The following PTPRO variants were observed in gnomAD, a reference collection of about 807,000 sequenced individuals.
PTPRO encodes protein tyrosine phosphatase receptor type O.
Under a neutral mutation model 145.2 loss-of-function variants are expected in PTPRO, and 62 were observed. The observed-to-expected ratio is 0.43, with a 90% CI of 0.35 to 0.53. The LOEUF is 0.53. Among genes scored for constraint, PTPRO ranks in the 20% least tolerant of loss-of-function variants. The probability of loss-of-function intolerance (pLI) is 0.01; values close to 1 mark genes in which losing one functional copy is unlikely to be tolerated. For synonymous variants in PTPRO, 565 were observed against 514.7 expected, an observed-to-expected ratio of 1.10 and a Z score of -1.32; for missense variants, 1,345 against 1,482.7, an observed-to-expected ratio of 0.91 and a Z score of 1.53.
At chr12:15,498,499 A>C (rs1942153455) in intron 3 of PTPRO, among the ~76,000 whole-genome samples, 1 of 152,208 alleles carries the variant, frequency 6.6e-6, no homozygotes, top group African/African-American at 2.4e-5. Context: ...CAGAGGTTGC[A>C]GTGAGCCTAA....
chr12:15,591,489 C>T (rs752097465), intron 25 of PTPRO, among the ~76,000 whole-genome samples: 26 of 152,254 alleles, frequency 1.7e-4, no homozygotes, highest in Non-Finnish European at 3.1e-4. Context: ...TTTTTAGGGT[C>T]ATTATCTTTC....
At chr12:15,476,231 G>A (rs1941650629) in intron 1 of PTPRO, among the ~76,000 whole-genome samples, 1 of 152,120 alleles carries the variant, frequency 6.6e-6, no homozygotes, top group Non-Finnish European at 1.5e-5. Flanking sequence ...GGAAGATGAT[G>A]AGGCAGGAGA....
intron 1 of PTPRO, among the ~76,000 whole-genome samples, chr12:15,378,038 A>G (rs978130370): frequency 7.9e-5 from 12 of 152,106 alleles, no homozygotes; most frequent in African/African-American, 2.9e-4. Context: ...CTATTATTAC[A>G]AAACAAAGAT....
chr12:15,557,074 T>C (rs1386007116), intron 15 of PTPRO, among the ~76,000 whole-genome samples: 6 of 151,180 alleles, frequency 4.0e-5, no homozygotes, highest in Non-Finnish European at 8.8e-5. Flanking sequence ...AGAGTCTTGC[T>C]CTGTCACCCA....
intron 1 of PTPRO, among the ~76,000 whole-genome samples, chr12:15,419,249 T>C (rs915943220): frequency 7.7e-6 from 1 of 129,690 alleles, no homozygotes. Context: ...CCAGTAACGA[T>C]AGGAGCATTT....
chr12:15,358,017 A>G (rs1938051734), intron 1 of PTPRO, among the ~76,000 whole-genome samples: 1 of 151,662 alleles, frequency 6.6e-6, no homozygotes, highest in Admixed American at 6.6e-5. Context: ...CTGGATTAAG[A>G]AAATGTGGCA....
intron 1 of PTPRO, among the ~76,000 whole-genome samples, chr12:15,389,331 T>A (rs996479779): frequency 2.0e-5 from 3 of 151,888 alleles, no homozygotes; most frequent in Admixed American, 1.3e-4. Flanking sequence ...ATGGTCTCGA[T>A]CTCCTTACCT....
At chr12:15,430,251 C>A (rs1266604662) in intron 1 of PTPRO, among the ~76,000 whole-genome samples, 1 of 151,742 alleles carries the variant, frequency 6.6e-6, no homozygotes, top group Non-Finnish European at 1.5e-5. Flanking sequence ...GAATCTGGGA[C>A]TTGAATCTAA....
chr12:15,504,960 G>T (rs1182480160), intron 6 of PTPRO, among the ~76,000 whole-genome samples: 1 of 152,132 alleles, frequency 6.6e-6, no homozygotes, highest in Non-Finnish European at 1.5e-5. Flanking sequence ...TGTCACCTCT[G>T]GCAAAAGAAA....
chr12:15,508,884 T>A (rs1301705833), intron 7 of PTPRO, 117 bp downstream of exon 7: 39 of 1,036,962 alleles, frequency 3.8e-5, no homozygotes, highest in South Asian at 5.4e-5. Flanking sequence ...ATGGGTGTGT[T>A]CTGTGACTGT....
chr12:15,573,501 T>A (rs1944107441), intron 19 of PTPRO, among the ~76,000 whole-genome samples: 1 of 152,218 alleles, frequency 6.6e-6, no homozygotes, highest in African/African-American at 2.4e-5. Flanking sequence ...TTGTTATTTA[T>A]TCTGATGCTC....
chr12:15,523,574 A>C (rs1265232352), intron 10 of PTPRO, among the ~76,000 whole-genome samples: 1 of 152,096 alleles, frequency 6.6e-6, no homozygotes, highest in Non-Finnish European at 1.5e-5. Flanking sequence ...CAGGAGTTCA[A>C]GACAAGTCTA....
chr12:15,490,171 T>C (rs993769886), intron 2 of PTPRO, among the ~76,000 whole-genome samples: 3 of 152,212 alleles, frequency 2.0e-5, no homozygotes, highest in Non-Finnish European at 4.4e-5. Flanking sequence ...GAATCCTGCA[T>C]TGGAATAGAA....
chr12:15,567,785 C>A (rs1381456952), intron 18 of PTPRO, among the ~76,000 whole-genome samples: 1 of 152,160 alleles, frequency 6.6e-6, no homozygotes, highest in African/African-American at 2.4e-5. Flanking sequence ...GACTTACTCT[C>A]CCTGGATTCC....
chr12:15,490,268 A>G lies in PTPRO; in HGVS notation c.349+6021A>G, dbSNP rs549138886. 3.2e-4 allele frequency among the ~76,000 whole-genome samples: 49 copies of G among 152,306 alleles called. 1 individual carries two copies. The South Asian group carries it at 9.9e-3, about 31-fold the overall frequency. The stretch of plus-strand genomic sequence containing the variant: ...TTACTTTCTCTAAATCTTAGTTTTC[A>G]AATCTACAATTCATTCTAGGGGTTA... On this transcript the variant is annotated intron_variant, in intron 2 of 26. Transcript: ENST00000281171.
intron 1 of PTPRO, among the ~76,000 whole-genome samples, chr12:15,388,511 G>C (rs1469115639): frequency 6.6e-6 from 1 of 152,156 alleles, no homozygotes; most frequent in African/African-American, 2.4e-5. Flanking sequence ...AGAGAATAAT[G>C]AAACACCTAA....
intron 8 of PTPRO, among the ~76,000 whole-genome samples, chr12:15,515,984 T>G (rs1395525594): frequency 2.5e-5 from 3 of 120,350 alleles, no homozygotes; most frequent in African/African-American, 1.1e-4. Context: ...TGGTTTTTTT[T>G]TTGTTTTGTT....
intron 12 of PTPRO, among the ~76,000 whole-genome samples, chr12:15,527,227 T>A (rs1942858620): frequency 6.6e-6 from 1 of 152,142 alleles, no homozygotes; most frequent in Non-Finnish European, 1.5e-5. Context: ...TCTGGGCAGA[T>A]GGTAGGAGAA....
In PTPRO at chr12:15,588,643, G is replaced by A. The variant is rs1944479543; in HGVS notation, c.3411-812G>A. On this transcript the variant is annotated intron_variant, in intron 24 of 26. Transcript: ENST00000281171. ...GGCAGGCATGCTGTAAGGCAGGTCT[G>A]GGGTGGTGAACTGAACTTAGGGTTG... Among the ~76,000 whole-genome samples, 3 of 152,122 alleles carry A rather than the reference G, an allele frequency of 2.0e-5. 1 individual carries two copies. Among genetic ancestry groups the A allele is most frequent in the Admixed American group, 2.0e-4 (3 of 15,274 alleles).
Sources: allele counts gnomAD v4.1 joint callset (sites outside exome capture counted in the v4.1 genomes callset), GRCh38; gene constraint gnomAD v4.1.1; transcripts MANE v1.5; gene names NCBI Gene and HGNC (gene_info 2026-07-23, HGNC 2026-07-21).